STON2: variants seen among roughly 807,000 people sequenced by gnomAD.
The protein encoded by STON2 is stonin 2, also known as stonin-2.
Under a neutral mutation model 65.7 loss-of-function variants are expected in STON2, and 29 were observed. That is an observed-to-expected ratio of 0.44 (90% CI 0.33 to 0.60). STON2 has a LOEUF of 0.60. Among genes scored for constraint, STON2 ranks in the 20% least tolerant of loss-of-function variants. STON2 has a pLI of 0.03. For missense variants in STON2, 1,054 were observed against 1,118.1 expected (o/e 0.94, Z 0.82); for synonymous variants, 404 against 414.2 (o/e 0.98, Z 0.30).
At chr14:81,397,271 A>C (rs1044805110) in intron 2 of STON2, among the ~76,000 whole-genome samples, 1 of 152,124 alleles carries the variant, frequency 6.6e-6, no homozygotes, top group East Asian at 1.9e-4. Context: ...CACGTCAAAC[A>C]GAAATAAAAT....
chr14:81,321,768 G>C (rs1028250325), intron 5 of STON2, among the ~76,000 whole-genome samples: 6 of 152,260 alleles, frequency 3.9e-5, no homozygotes, highest in African/African-American at 1.4e-4. Flanking sequence ...GTGTATAAAA[G>C]ATGTACTTGA....
intron 3 of STON2, among the ~76,000 whole-genome samples, chr14:81,382,812 GTGAGATAAAATGCCAACGTTTCTCT>G (rs1899592696): frequency 6.6e-6 from 1 of 152,194 alleles, no homozygotes; most frequent in Admixed American, 6.5e-5. Context: ...CCTTACATTT[GTGAGATAAAATGCCAACGTTTCTCT>G]TGAAAGAGAA....
chr14:81,295,014 T>C (rs1025841218), intron 5 of STON2, among the ~76,000 whole-genome samples: 1 of 152,142 alleles, frequency 6.6e-6, no homozygotes, highest in African/African-American at 2.4e-5. Context: ...GGTGGGCAGT[T>C]ATTGCATTTT....
chr14:81,386,219 G>C (rs933481378), intron 3 of STON2, among the ~76,000 whole-genome samples: 1 of 151,996 alleles, frequency 6.6e-6, no homozygotes, highest in African/African-American at 2.4e-5. Context: ...ACAATTGAAG[G>C]TATTAAAAAA....
intron 5 of STON2, among the ~76,000 whole-genome samples, chr14:81,319,841 C>A (rs73337736): frequency 0.017 from 2,531 of 152,256 alleles, 79 homozygotes; most frequent in African/African-American, 0.058. Flanking sequence ...TAGAACCCCT[C>A]CATCCAGTGA....
intron 3 of STON2, among the ~76,000 whole-genome samples, chr14:81,389,175 T>C (rs1229178104): frequency 1.3e-5 from 2 of 152,172 alleles, no homozygotes; most frequent in Non-Finnish European, 2.9e-5. Context: ...AACTATACAT[T>C]ATATATAGGA....
chr14:81,373,604 C>T (rs2140372810), intron 3 of STON2, among the ~76,000 whole-genome samples: 1 of 152,290 alleles, frequency 6.6e-6, no homozygotes, highest in Admixed American at 6.5e-5. Context: ...AGGACACAAG[C>T]TGATTTTCAC....
rs1434550357 is a variant in STON2 at position 81,270,687 on chromosome 14, C to A, written c.2767G>T (p.Ala923Ser). ...AAGGCTACCTGGTAGCTGTAGTGTG[C>A]AGAATAATTGACCCACTTCCTGACG... ...TDVRKWVNYS[A>S]HYSYQVEIEQ... The change falls in exon 7 of 8, where the codon GCA (alanine) becomes TCA (serine). Residue 923 changes from alanine to serine, a missense_variant. Coordinates refer to ENST00000614646, the MANE Select transcript of STON2 (RefSeq NM_001394390.1). The A allele has an allele frequency of 3.7e-6, 6 of 1,614,160 alleles. No individual in the cohort carries two copies. The highest frequency in any genetic ancestry group is 5.1e-6 in the Non-Finnish European group (6 of 1,180,040).
intron 3 of STON2, among the ~76,000 whole-genome samples, chr14:81,382,518 C>G (rs1899574346): frequency 1.3e-5 from 2 of 151,974 alleles, no homozygotes. Context: ...TAGTTATCAT[C>G]ATGAAACTCA....
chr14:81,372,995 T>A (rs550305042), intron 3 of STON2, among the ~76,000 whole-genome samples: 1 of 152,324 alleles, frequency 6.6e-6, no homozygotes, highest in African/African-American at 2.4e-5. Flanking sequence ...TTTAAAAATG[T>A]CACCCTTTCT....
In STON2 at chr14:81,394,570, T is replaced by G. The variant is rs1900226001; in HGVS notation, c.373+1324A>C. Reference sequence around the variant, plus strand: ...CCTTGAGATGGGGACATTATCCCGGTGAGCCCAGTGTAACCACAGAGGTCC... The same window carrying G: ...CCTTGAGATGGGGACATTATCCCGGGGAGCCCAGTGTAACCACAGAGGTCC... On this transcript the variant is annotated intron_variant, in intron 3 of 7. Transcript: ENST00000614646. Among the ~76,000 whole-genome samples the G allele has an allele frequency of 1.3e-5, 2 of 152,174 alleles. 1 individual carries two copies. Among genetic ancestry groups the G allele is most frequent in the South Asian group, 4.1e-4 (2 of 4,830 alleles).
chr14:81,324,244 C>T (rs943397260), intron 4 of STON2, among the ~76,000 whole-genome samples, 57 bp from the exon 5 acceptor site: 3 of 152,224 alleles, frequency 2.0e-5, no homozygotes, highest in Non-Finnish European at 4.4e-5. Flanking sequence ...CTGGCCTTCT[C>T]TGGCGGGCAG....
At chr14:81,380,663 C>A (rs75061326) in intron 3 of STON2, among the ~76,000 whole-genome samples, 2 of 152,128 alleles carry the variant, frequency 1.3e-5, no homozygotes, top group Non-Finnish European at 1.5e-5. Flanking sequence ...GAGATCATGT[C>A]CTTTGCAGCA....
intron 5 of STON2, among the ~76,000 whole-genome samples, chr14:81,303,062 GTGTGTGTGTGT>G (rs1896032865): frequency 7.5e-6 from 1 of 133,956 alleles, no homozygotes; most frequent in Non-Finnish European, 1.6e-5. Flanking sequence ...TGTGGGGGGT[GTGTGTGTGTGT>G]GTGTGTGTGT....
chr14:81,298,756 G>A (rs1895862507), intron 5 of STON2, among the ~76,000 whole-genome samples: 1 of 152,180 alleles, frequency 6.6e-6, no homozygotes, highest in Non-Finnish European at 1.5e-5. Flanking sequence ...CACCCACCAC[G>A]AAATGGTTTG....
chr14:81,354,280 A>G (rs941570934), intron 4 of STON2, among the ~76,000 whole-genome samples: 2 of 152,204 alleles, frequency 1.3e-5, no homozygotes, highest in Non-Finnish European at 2.9e-5. Flanking sequence ...AAGGCAAAGG[A>G]AGCAGCCCAG....
intron 1 of STON2, among the ~76,000 whole-genome samples, chr14:81,427,847 G>T (rs1279760797): frequency 6.6e-6 from 1 of 152,118 alleles, no homozygotes; most frequent in African/African-American, 2.4e-5. Flanking sequence ...TGCACAGATA[G>T]CCCCTGTTAA....
intron 3 of STON2, among the ~76,000 whole-genome samples, chr14:81,381,587 A>AAAAT (rs1208186244): frequency 1.3e-5 from 2 of 152,076 alleles, no homozygotes; most frequent in African/African-American, 2.4e-5. Context: ...ATGCAATTTA[A>AAAAT]ATCACATGAT....
intron 5 of STON2, among the ~76,000 whole-genome samples, chr14:81,308,572 G>A (rs1896271394): frequency 6.6e-6 from 1 of 151,786 alleles, no homozygotes. Flanking sequence ...GCTGAAGGTG[G>A]GGCATTTATT....
Sources: allele counts gnomAD v4.1 joint callset (sites outside exome capture counted in the v4.1 genomes callset), GRCh38; gene constraint gnomAD v4.1.1; transcripts MANE v1.5; gene names NCBI Gene and HGNC (gene_info 2026-07-23, HGNC 2026-07-21).